Variants in GPC5 observed in about 807,000 individuals in gnomAD.
GPC5 encodes glypican-5.
GPC5 carries 47 observed loss-of-function variants against 53.9 expected under a neutral mutation model. That is an observed-to-expected ratio of 0.87 (90% CI 0.69 to 1.11). GPC5 has a LOEUF of 1.11. GPC5 is among the 50% of genes most tolerant of loss of function. The probability of loss-of-function intolerance (pLI) is 0.00; values close to 1 mark genes in which losing one functional copy is unlikely to be tolerated. For missense variants in GPC5, 748 were observed against 713.1 expected (o/e 1.05, Z -0.56); for synonymous variants, 286 against 263.3 (o/e 1.09, Z -0.84).
chr13:92,032,770 T>C (rs9589406), intron 6 of GPC5, among the ~76,000 whole-genome samples: 159 of 152,310 alleles, frequency 1.0e-3, no homozygotes, highest in African/African-American at 3.7e-3. Flanking sequence ...GTCCTTAACA[T>C]GGCCAAGGAG....
intron 7 of GPC5, among the ~76,000 whole-genome samples, chr13:92,420,503 C>T (rs1159822799): frequency 3.3e-5 from 5 of 152,114 alleles, no homozygotes; most frequent in Admixed American, 3.3e-4. Context: ...TTTTATTATA[C>T]TCTTTTAGCT....
At chr13:92,066,187 T>C (rs1009861645) in intron 6 of GPC5, among the ~76,000 whole-genome samples, 11 of 151,846 alleles carry the variant, frequency 7.2e-5, no homozygotes, top group African/African-American at 2.4e-4. Context: ...CTCTTGAAAA[T>C]AGGAAAAGTT....
chr13:91,965,618 A>G (rs1249031420), intron 6 of GPC5, among the ~76,000 whole-genome samples: 1 of 152,166 alleles, frequency 6.6e-6, no homozygotes, highest in African/African-American at 2.4e-5. Flanking sequence ...ATGAGAGGGT[A>G]TTAATTCACA....
At chr13:92,679,818 ACTCTCTCTCGCTCGCGTGCGTGCT>A (rs1360720405) in intron 7 of GPC5, among the ~76,000 whole-genome samples, 1 of 151,556 alleles carries the variant, frequency 6.6e-6, no homozygotes, top group Non-Finnish European at 1.5e-5. Flanking sequence ...TCTCTCATGC[ACTCTCTCTCGCTCGCGTGCGTGCT>A]CTCTCTCTCA....
intron 2 of GPC5, among the ~76,000 whole-genome samples, chr13:91,682,713 A>G (rs959042058): frequency 1.3e-5 from 2 of 152,196 alleles, no homozygotes; most frequent in African/African-American, 2.4e-5. Context: ...GTCTGTGAAC[A>G]TAAGAAGTGA....
chr13:92,089,340 A>G (rs2138893255), intron 6 of GPC5, among the ~76,000 whole-genome samples: 1 of 152,258 alleles, frequency 6.6e-6, no homozygotes, highest in Admixed American at 6.5e-5. Flanking sequence ...AGGCTGAGGC[A>G]GGAGAATGGC....
At chr13:92,471,601 A>G (rs1878913558) in intron 7 of GPC5, among the ~76,000 whole-genome samples, 1 of 152,154 alleles carries the variant, frequency 6.6e-6, no homozygotes, top group Non-Finnish European at 1.5e-5. Context: ...ATTTATAAAT[A>G]TGCATATATT....
chr13:91,453,403 T>C (rs1881323218), intron 2 of GPC5, among the ~76,000 whole-genome samples: 1 of 151,996 alleles, frequency 6.6e-6, no homozygotes, highest in Non-Finnish European at 1.5e-5. Flanking sequence ...AGACACAGGA[T>C]ATAGTTAATA....
intron 7 of GPC5, among the ~76,000 whole-genome samples, chr13:92,751,132 G>T (rs1295374645): frequency 6.6e-6 from 1 of 151,374 alleles, no homozygotes; most frequent in Non-Finnish European, 1.5e-5. Flanking sequence ...TCCTTTATTA[G>T]AAGTCCAATT....
At chr13:92,380,775 G>A (rs111912860) in intron 7 of GPC5, among the ~76,000 whole-genome samples, 6,066 of 122,696 alleles carry the variant, frequency 0.049, 524 homozygotes, top group African/African-American at 0.17. Flanking sequence ...GGGGGAGGGG[G>A]GAGGGATAGC....
chr13:92,475,742 A>G (rs987396897), intron 7 of GPC5, among the ~76,000 whole-genome samples: 1 of 152,184 alleles, frequency 6.6e-6, no homozygotes, highest in African/African-American at 2.4e-5. Context: ...GAATATCTAC[A>G]GCTATCTGAT....
At chr13:91,784,581 A>C (rs1366020426) in intron 5 of GPC5, among the ~76,000 whole-genome samples, 5 of 152,174 alleles carry the variant, frequency 3.3e-5, no homozygotes, top group African/African-American at 1.2e-4. Context: ...AAAATTAGCC[A>C]GGCATGGTGG....
chr13:92,670,738 C>A (rs1886718532), intron 7 of GPC5, among the ~76,000 whole-genome samples: 1 of 152,146 alleles, frequency 6.6e-6, no homozygotes, highest in South Asian at 2.1e-4. Flanking sequence ...TCCAAGTGTC[C>A]AGTCCTATCT....
chr13:91,487,214 C>T (rs569623452), intron 2 of GPC5, among the ~76,000 whole-genome samples: 7 of 152,136 alleles, frequency 4.6e-5, no homozygotes, highest in African/African-American at 1.7e-4. Context: ...TGTGATTACC[C>T]AATAGCCCAA....
chr13:92,084,626 T>G (rs1386720273), intron 6 of GPC5, among the ~76,000 whole-genome samples: 2 of 152,212 alleles, frequency 1.3e-5, no homozygotes, highest in African/African-American at 4.8e-5. Context: ...GTTACTTAAT[T>G]CAAGCCCCAT....
chr13:91,464,997 T>C (rs1324962044), intron 2 of GPC5, among the ~76,000 whole-genome samples: 1 of 152,168 alleles, frequency 6.6e-6, no homozygotes, highest in Non-Finnish European at 1.5e-5. Flanking sequence ...CATCTGAATC[T>C]ATATCGTTTC....
intron 7 of GPC5, among the ~76,000 whole-genome samples, chr13:92,471,260 T>C (rs1878899496): frequency 6.6e-6 from 1 of 152,134 alleles, no homozygotes; most frequent in Admixed American, 6.6e-5. Context: ...CTTTCTATAG[T>C]TTTAATCATG....
intron 7 of GPC5, among the ~76,000 whole-genome samples, chr13:92,808,254 AT>A (rs1877173401): frequency 6.6e-6 from 1 of 152,104 alleles, no homozygotes; most frequent in Non-Finnish European, 1.5e-5. Flanking sequence ...TTGAAAGAGA[AT>A]TTACTTTCTC....
chr13:91,750,141 A>G (rs2037139113), intron 4 of GPC5, among the ~76,000 whole-genome samples: 1 of 152,138 alleles, frequency 6.6e-6, no homozygotes, highest in Admixed American at 6.5e-5. Context: ...TTGATTCTGC[A>G]TTCAACTTGG....
Sources: gnomAD v4.1 joint callset for allele counts (sites outside exome capture counted in the v4.1 genomes callset) on GRCh38, gnomAD v4.1.1 for gene constraint, MANE v1.5 for transcripts, NCBI Gene and HGNC (gene_info 2026-07-23, HGNC 2026-07-21) for gene names.